The following FHIT variants were observed in gnomAD, a reference collection of about 807,000 sequenced individuals.
The protein encoded by FHIT is bis(5'-adenosyl)-triphosphatase.
Under a neutral mutation model 17.9 loss-of-function variants are expected in FHIT, and 19 were observed. That is an observed-to-expected ratio of 1.06 (90% CI 0.74 to 1.56). The LOEUF (loss-of-function observed/expected upper bound fraction) is 1.56, where lower values mean the gene tolerates loss of function less well. Ranked by LOEUF, FHIT falls within the 40% of genes most tolerant of loss-of-function variation. The pLI, the probability that FHIT is intolerant of heterozygous loss-of-function variation, is 0.00. For missense variants in FHIT, 248 were observed against 189.2 expected, an observed-to-expected ratio of 1.31 and a Z score of -1.82; for synonymous variants, 81 against 69.7, an observed-to-expected ratio of 1.16 and a Z score of -0.81.
intron 5 of FHIT, among the ~76,000 whole-genome samples, chr3:60,390,396 T>C (rs1199194729): frequency 3.1e-5 from 1 of 32,030 alleles, no homozygotes; most frequent in African/African-American, 1.2e-4. Context: ...GTAATGGAGC[T>C]AAAAAAAAAA....
chr3:61,043,951 G>C (rs2107698441), intron 2 of FHIT, among the ~76,000 whole-genome samples: 1 of 152,204 alleles, frequency 6.6e-6, no homozygotes, highest in South Asian at 2.1e-4. Flanking sequence ...AAACAGAAAG[G>C]ACATCCACAC....
At chr3:60,527,436 C>A (rs1448021967) in intron 5 of FHIT, among the ~76,000 whole-genome samples, 1 of 152,112 alleles carries the variant, frequency 6.6e-6, no homozygotes, top group African/African-American at 2.4e-5. Flanking sequence ...AAAAGAAGTT[C>A]TTGATAACTT....
chr3:61,027,406 T>C (rs866552838), intron 3 of FHIT, among the ~76,000 whole-genome samples: 12 of 152,224 alleles, frequency 7.9e-5, no homozygotes, highest in Admixed American at 2.6e-4. Context: ...TTATTATCTA[T>C]ACTCTTTAAG....
intron 5 of FHIT, among the ~76,000 whole-genome samples, chr3:60,248,899 G>T (rs1705543184): frequency 6.6e-6 from 1 of 152,092 alleles, no homozygotes. Context: ...TATCATCAAG[G>T]ATGAAAAGGT....
At chr3:59,823,911 G>A (rs1159099323) in intron 8 of FHIT, among the ~76,000 whole-genome samples, 1 of 152,112 alleles carries the variant, frequency 6.6e-6, no homozygotes, top group Non-Finnish European at 1.5e-5. Context: ...TCAAACTGTC[G>A]CTGTTTGCTG....
chr3:59,969,695 T>C (rs1708090035), intron 7 of FHIT, among the ~76,000 whole-genome samples: 1 of 152,144 alleles, frequency 6.6e-6, no homozygotes, highest in Non-Finnish European at 1.5e-5. Context: ...TAAGGATATT[T>C]CCCTCAATGG....
At chr3:60,705,973 C>T (rs2041362473) in intron 4 of FHIT, among the ~76,000 whole-genome samples, 1 of 152,162 alleles carries the variant, frequency 6.6e-6, no homozygotes, top group Non-Finnish European at 1.5e-5. Context: ...TCAAGCCACA[C>T]ATAGGCCATT....
At chr3:60,030,863 G>T (rs1700969928) in intron 5 of FHIT, among the ~76,000 whole-genome samples, 2 of 152,212 alleles carry the variant, frequency 1.3e-5, no homozygotes, top group East Asian at 3.9e-4. Context: ...ATAAATAAAA[G>T]CTAAAACTAT....
chr3:59,871,908 A>C lies in FHIT; in HGVS notation c.348+50438T>G, dbSNP rs577722579. 3.9e-5 allele frequency among the ~76,000 whole-genome samples: 6 copies of C among 152,336 alleles called. No individual in the cohort carries two copies. In the East Asian group the frequency reaches 1.2e-3, roughly 29 times the overall value. Reference sequence around the variant, plus strand: ...TTGCGCACTGAAGACAAGAAGAGTCAATTTGTGATACGTGTTACAGAGATA... The same window carrying C: ...TTGCGCACTGAAGACAAGAAGAGTCCATTTGTGATACGTGTTACAGAGATA... On this transcript the variant is annotated intron_variant, in intron 8 of 9. Transcript: ENST00000492590.
At chr3:60,314,278 A>G (rs945922905) in intron 5 of FHIT, among the ~76,000 whole-genome samples, 2 of 152,190 alleles carry the variant, frequency 1.3e-5, no homozygotes, top group Non-Finnish European at 2.9e-5. Context: ...TGCTCTGACT[A>G]CAGAGGGCAA....
chr3:60,145,375 T>C (rs1394969422), intron 5 of FHIT, among the ~76,000 whole-genome samples: 1 of 152,196 alleles, frequency 6.6e-6, no homozygotes, highest in Admixed American at 6.5e-5. Context: ...ACTGATTTTC[T>C]ACAGTGGCGT....
chr3:61,192,195 G>A lies in FHIT; in HGVS notation c.-164+8422C>T, dbSNP rs74679523. Among the ~76,000 whole-genome samples the A allele has an allele frequency of 5.4e-3, 827 of 152,290 alleles. 2 individuals carry two copies. The highest frequency in any genetic ancestry group is 9.6e-3 in the Non-Finnish European group (650 of 68,022). On this transcript the variant is annotated intron_variant, in intron 2 of 9. Transcript: ENST00000492590. ...AAGAAATAGACACTTTGGTAACAAT[G>A]TTGAGCCACTGAATTAACAAAACTT... is the stretch of plus-strand genomic sequence containing the variant.
intron 5 of FHIT, among the ~76,000 whole-genome samples, chr3:60,121,155 A>G (rs540957980): frequency 6.6e-6 from 1 of 152,264 alleles, no homozygotes; most frequent in Admixed American, 6.5e-5. Context: ...AACTACCCCT[A>G]TAATGGTTCA....
In FHIT at chr3:60,966,061, C is replaced by T. The variant is rs180962157; in HGVS notation, c.-111+75986G>A. ...GGTGGAGTCTACAGAGGCAGGCAGG[C>T]CTCCTTGAGCTGCGGTGGGCTCCAC... is the stretch of plus-strand genomic sequence containing the variant. On this transcript the variant is annotated intron_variant, in intron 3 of 9. Coordinates refer to ENST00000492590, the MANE Select transcript of FHIT (RefSeq NM_002012.4). 9.8e-3 allele frequency among the ~76,000 whole-genome samples: 1,495 copies of T among 152,266 alleles called. 15 individuals are homozygous for T. Among genetic ancestry groups the T allele is most frequent in the Non-Finnish European group, 0.017 (1,174 of 68,020 alleles).
Position 60,644,356 on chromosome 3 carries a change from C to G in FHIT, c.-17-107377G>C, listed in dbSNP as rs192986081. Among the ~76,000 whole-genome samples, 317 of 151,906 alleles carry G rather than the reference C, an allele frequency of 2.1e-3. 1 individual carries two copies. The highest frequency in any genetic ancestry group is 7.2e-3 in the African/African-American group (300 of 41,402). Reference sequence around the variant, plus strand: ...TACAAGCATGTTGAAAAACTGATACCGTGAAATATTGAAAATTTGAAATTG... The same window carrying G: ...TACAAGCATGTTGAAAAACTGATACGGTGAAATATTGAAAATTTGAAATTG... On this transcript the variant is annotated intron_variant, in intron 4 of 9. Coordinates refer to ENST00000492590, the MANE Select transcript of FHIT (RefSeq NM_002012.4).
chr3:60,195,756 T>C (rs2107479836), intron 5 of FHIT, among the ~76,000 whole-genome samples: 1 of 151,278 alleles, frequency 6.6e-6, no homozygotes. Flanking sequence ...GCCATTATTC[T>C]AAGTGACGTA....
At chr3:60,618,328 C>T (rs1416079222) in intron 4 of FHIT, among the ~76,000 whole-genome samples, 2 of 152,118 alleles carry the variant, frequency 1.3e-5, no homozygotes, top group African/African-American at 4.8e-5. Flanking sequence ...ACAGGCTGTG[C>T]TGCTGTAGAG....
intron 8 of FHIT, among the ~76,000 whole-genome samples, chr3:59,817,896 T>G (rs1198791076): frequency 6.6e-6 from 1 of 151,926 alleles, no homozygotes; most frequent in Non-Finnish European, 1.5e-5. Context: ...GCTGAGAGCT[T>G]CAGGGGCACT....
At chr3:60,963,956 G>C (rs1481760089) in intron 3 of FHIT, among the ~76,000 whole-genome samples, 1 of 152,180 alleles carries the variant, frequency 6.6e-6, no homozygotes, top group Non-Finnish European at 1.5e-5. Flanking sequence ...TCCACCTGCT[G>C]CAGAGCTGAG....
Sources: gnomAD v4.1 joint callset for allele counts (sites outside exome capture counted in the v4.1 genomes callset) on GRCh38, gnomAD v4.1.1 for gene constraint, MANE v1.5 for transcripts, NCBI Gene and HGNC (gene_info 2026-07-23, HGNC 2026-07-21) for gene names.